The following ZNF654 variants were observed in gnomAD, a reference collection of about 807,000 sequenced individuals.
The protein encoded by ZNF654 is zinc finger protein 654, also known as melanoma-associated antigen.
In ZNF654, 19 loss-of-function variants were observed where a neutral mutation model predicts 95.3. That is an observed-to-expected ratio of 0.20 (90% confidence interval 0.14 to 0.29). The LOEUF (loss-of-function observed/expected upper bound fraction) is 0.29, where lower values mean the gene tolerates loss of function less well. Among genes scored for constraint, ZNF654 ranks in the 10% least tolerant of loss-of-function variants. ZNF654 has a pLI of 1.00. For missense variants in ZNF654, 1,046 were observed against 1,341.0 expected (o/e 0.78, Z 3.44); for synonymous variants, 413 against 457.9 (o/e 0.90, Z 1.25).
intron 8 of ZNF654, 85 bp from the exon 9 acceptor site, chr3:88,141,558 CAG>C: frequency 1.0e-6 from 1 of 961,868 alleles, no homozygotes; most frequent in South Asian, 2.5e-5. Flanking sequence ...TTTAAAATGA[CAG>C]GGTATAAATT....
At chr3:88,137,902 C>T (rs60377014) in intron 7 of ZNF654, among the ~76,000 whole-genome samples, 22,338 of 151,822 alleles carry the variant, frequency 0.15, 1,692 homozygotes, top group African/African-American at 0.17. Context: ...GATATATATA[C>T]ATATATATGA....
chr3:88,093,098 A>T (rs1576256402), intron 2 of ZNF654, among the ~76,000 whole-genome samples: 1 of 152,358 alleles, frequency 6.6e-6, no homozygotes, highest in East Asian at 1.9e-4. Flanking sequence ...TGCTTTGTGC[A>T]TATGGACCTC....
At chr3:88,063,324 C>T (rs1706995196) in intron 1 of ZNF654, among the ~76,000 whole-genome samples, 1 of 152,054 alleles carries the variant, frequency 6.6e-6, no homozygotes, top group Non-Finnish European at 1.5e-5. Context: ...ATATAAATGG[C>T]AGTAAAGTTT....
intron 2 of ZNF654, among the ~76,000 whole-genome samples, chr3:88,089,676 AG>A (rs1708533453): frequency 6.6e-6 from 1 of 152,094 alleles, no homozygotes; most frequent in Non-Finnish European, 1.5e-5. Flanking sequence ...TGACAGTTCT[AG>A]GATTAAGCTC....
At chr3:88,073,184 T>C (rs1261172851) in intron 1 of ZNF654, among the ~76,000 whole-genome samples, 1 of 152,122 alleles carries the variant, frequency 6.6e-6, no homozygotes, top group Non-Finnish European at 1.5e-5. Flanking sequence ...AATTATTGGC[T>C]CCACCCAGAC....
chr3:88,141,573 A>G (rs1576360922), intron 8 of ZNF654, 72 bp from the exon 9 acceptor site: 2 of 1,185,902 alleles, frequency 1.7e-6, no homozygotes, highest in East Asian at 5.3e-5. Flanking sequence ...TATAAATTAA[A>G]CAGGAATCTG....
rs116254451 is a variant in ZNF654, at chr3:88,070,766, A to G, written c.186+11261A>G. 3.8e-3 allele frequency among the ~76,000 whole-genome samples: 574 copies of G among 152,234 alleles called. 1 individual carries two copies. Among genetic ancestry groups the G allele is most frequent in the Middle Eastern group, 6.8e-3 (2 of 294 alleles). ...CTAGATTCTCGTTTATCCTTTGCAA[A>G]AACTCTGTGAAATAAGTACTGTTTT... is the stretch of plus-strand genomic sequence containing the variant. On this transcript the variant is annotated intron_variant, in intron 1 of 8. Coordinates refer to ENST00000636215, the MANE Select transcript of ZNF654 (RefSeq NM_001350134.2).
At chr3:88,141,178 C>A in intron 8 of ZNF654, 130 bp downstream of exon 8, 1 of 1,064,552 alleles carries the variant, frequency 9.4e-7, no homozygotes, top group South Asian at 1.7e-5. Context: ...TTACTCCATA[C>A]ATTATTTCCT....
intron 1 of ZNF654, among the ~76,000 whole-genome samples, chr3:88,064,255 C>G (rs1273075286): frequency 6.6e-6 from 1 of 151,910 alleles, no homozygotes; most frequent in African/African-American, 2.4e-5. Context: ...TAATTTTTTC[C>G]CTAGTTGTTT....
At chr3:88,123,111 C>G (rs1259012389) in intron 3 of ZNF654, among the ~76,000 whole-genome samples, 2 of 151,982 alleles carry the variant, frequency 1.3e-5, no homozygotes, top group East Asian at 3.8e-4. Context: ...TTAAGTGCTT[C>G]CTTATTCACT....
chr3:88,124,109 T>C (rs1705941112), intron 3 of ZNF654, among the ~76,000 whole-genome samples: 1 of 152,218 alleles, frequency 6.6e-6, no homozygotes, highest in Admixed American at 6.5e-5. Context: ...TAAAATAAGA[T>C]ATTTATTCGA....
intron 1 of ZNF654, among the ~76,000 whole-genome samples, chr3:88,060,224 C>G (rs545089436): frequency 1.3e-5 from 2 of 151,900 alleles, no homozygotes; most frequent in East Asian, 3.9e-4. Flanking sequence ...ATCACCAACC[C>G]CCCTCATCCT....
chr3:88,135,310 G>A (rs1706708700), intron 7 of ZNF654, 108 bp downstream of exon 7: 3 of 928,398 alleles, frequency 3.2e-6, no homozygotes, highest in Non-Finnish European at 4.4e-6. Context: ...AGGAAAGGAG[G>A]ATTTTAAGGC....
chr3:88,123,401 T>C (rs1314987138), intron 3 of ZNF654, among the ~76,000 whole-genome samples: 5 of 152,224 alleles, frequency 3.3e-5, no homozygotes, highest in Non-Finnish European at 7.3e-5. Flanking sequence ...TTACTAATTT[T>C]TAACAAAGAT....
Position 88,081,315 on chromosome 3 carries a change from TTACTGTCTTTATATCTG to T in ZNF654, c.187-4923_187-4907del, listed in dbSNP as rs58425601. 3.1e-3 allele frequency among the ~76,000 whole-genome samples: 472 copies of T among 152,310 alleles called. 3 individuals carry two copies. The highest frequency in any genetic ancestry group is 0.011 in the African/African-American group (444 of 41,554). On this transcript the variant is annotated intron_variant, in intron 1 of 8. Coordinates refer to ENST00000636215, the MANE Select transcript of ZNF654 (RefSeq NM_001350134.2). ...TATGTGGGGGTTTTCCACTGTAATG[TTACTGTCTTTATATCTG>T]TACTGTCTTTATATCTGTTGATAAA...
At chr3:88,130,235 C>T (rs1464134860) in intron 6 of ZNF654, among the ~76,000 whole-genome samples, 1 of 152,022 alleles carries the variant, frequency 6.6e-6, no homozygotes, top group Non-Finnish European at 1.5e-5. Flanking sequence ...TTTCTGTTTC[C>T]TCAGCTCCAG....
rs544534432 is a variant in ZNF654, at chr3:88,129,962, T to C, written c.893+136T>C. The C allele has an allele frequency of 3.4e-5, 24 of 695,684 alleles. 1 individual carries two copies. The East Asian group carries it at 6.2e-4, about 18-fold the overall frequency. The allele number at this position is 695,684 out of a possible 1,614,324, so 43.1% of individuals were successfully genotyped here. On this transcript the variant is annotated intron_variant, in intron 6 of 8. Coordinates refer to ENST00000636215, the MANE Select transcript of ZNF654 (RefSeq NM_001350134.2). ...AAAAAATTGATTGTGCAAGGAACAATAGTAGATTCTAAGAACTAGAGACTT... is the reference window on the plus strand; with the variant it reads ...AAAAAATTGATTGTGCAAGGAACAACAGTAGATTCTAAGAACTAGAGACTT...
chr3:88,125,982 C>T (rs1041432893), intron 3 of ZNF654, among the ~76,000 whole-genome samples, 152 bp from the exon 4 acceptor site: 2 of 152,108 alleles, frequency 1.3e-5, no homozygotes, highest in African/African-American at 4.8e-5. Flanking sequence ...CATGGGGTTT[C>T]GACACCCTAC....
intron 2 of ZNF654, among the ~76,000 whole-genome samples, chr3:88,101,821 A>C (rs1043299751): frequency 6.6e-6 from 1 of 152,096 alleles, no homozygotes; most frequent in Non-Finnish European, 1.5e-5. Context: ...ATCTTCACTA[A>C]TACTTTTTAT....
Sources: gnomAD v4.1 joint callset for allele counts (sites outside exome capture counted in the v4.1 genomes callset) on GRCh38, gnomAD v4.1.1 for gene constraint, MANE v1.5 for transcripts, NCBI Gene and HGNC (gene_info 2026-07-23, HGNC 2026-07-21) for gene names.